The following MED12L variants were observed in gnomAD, a reference collection of about 807,000 sequenced individuals.
The protein encoded by MED12L is mediator complex subunit 12L.
In MED12L, 60 loss-of-function variants were observed where a neutral mutation model predicts 281.3. The ratio of observed to expected loss-of-function variants is 0.21; its 90% CI spans 0.17 to 0.26. MED12L has a LOEUF of 0.26. MED12L is among the 10% of genes least tolerant of loss of function. The pLI is 1.00. For missense variants in MED12L, 2,146 were observed against 2,680.9 expected, an observed-to-expected ratio of 0.80 and a Z score of 4.41; for synonymous variants, 974 against 987.2, an observed-to-expected ratio of 0.99 and a Z score of 0.25.
chr3:151,365,851 A>G lies in MED12L; in HGVS notation c.3187A>G (p.Ile1063Val), dbSNP rs1020451625. ...CTGTGTCTTCTTTTTCTTTTCTAGG[A>G]TTAACGACATAGCCAATTTCTCCTC... ...VCMGHQDAGRINDIANFSSEL... is the reference protein window; with the variant it reads ...VCMGHQDAGRVNDIANFSSEL... Residue 1063 changes from isoleucine to valine, a missense_variant and splice_region_variant, in exon 23 of 45, where the codon ATT (isoleucine) becomes GTT (valine). Around this residue, in one of 9 missense-constraint regions of MED12L, gnomAD observed 404 missense variants for 603.5 expected, o/e 0.67. Coordinates refer to ENST00000687756, the MANE Select transcript of MED12L (RefSeq NM_001393769.1). The G allele has an allele frequency of 8.1e-6, 13 of 1,608,252 alleles. No homozygotes were observed. The African/African-American group carries it at 1.7e-4, about 22-fold the overall frequency.
chr3:151,111,856 G>A (rs1160972449), intron 2 of MED12L, among the ~76,000 whole-genome samples: 1 of 152,136 alleles, frequency 6.6e-6, no homozygotes, highest in Non-Finnish European at 1.5e-5. Context: ...GAGTTAGTTG[G>A]TTGTGGCTGC....
intron 16 of MED12L, among the ~76,000 whole-genome samples, chr3:151,341,610 G>A (rs1751832557): frequency 6.6e-6 from 1 of 151,198 alleles, no homozygotes; most frequent in Admixed American, 6.6e-5. Flanking sequence ...AAGTTTTAGG[G>A]TACATGTGCA....
intron 44 of MED12L, among the ~76,000 whole-genome samples, chr3:151,432,098 C>T (rs1719600859): frequency 6.6e-6 from 1 of 152,200 alleles, no homozygotes; most frequent in Non-Finnish European, 1.5e-5. Flanking sequence ...CCAGAGGGCT[C>T]CTTTGATAGC....
At chr3:151,147,554 C>G (rs192917069) in intron 5 of MED12L, among the ~76,000 whole-genome samples, 3 of 152,194 alleles carry the variant, frequency 2.0e-5, no homozygotes, top group African/African-American at 4.8e-5. Flanking sequence ...AACCACTAAC[C>G]TACTTTCTCT....
intron 30 of MED12L, among the ~76,000 whole-genome samples, chr3:151,377,767 A>G (rs963461885): frequency 1.3e-5 from 2 of 152,238 alleles, no homozygotes; most frequent in African/African-American, 2.4e-5. Flanking sequence ...GGAAAACATT[A>G]AAGTCAGTTT....
intron 11 of MED12L, among the ~76,000 whole-genome samples, chr3:151,179,454 G>A (rs754733910): frequency 6.6e-6 from 1 of 152,162 alleles, no homozygotes; most frequent in African/African-American, 2.4e-5. Context: ...AGTACCTGAT[G>A]GAGTGAATTT....
chr3:151,424,838 C>G (rs1287762021), intron 43 of MED12L, among the ~76,000 whole-genome samples: 1 of 152,114 alleles, frequency 6.6e-6, no homozygotes, highest in African/African-American at 2.4e-5. Context: ...GGACGGACGA[C>G]CATGCTTCAT....
At chr3:151,153,568 T>TA in intron 5 of MED12L, among the ~76,000 whole-genome samples, 1 of 139,266 alleles carries the variant, frequency 7.2e-6, no homozygotes, top group Admixed American at 7.1e-5. Context: ...TTCTTTCTTT[T>TA]TTTTTTTTTT....
chr3:151,105,844 C>T (rs190949843), intron 2 of MED12L, among the ~76,000 whole-genome samples: 16 of 152,218 alleles, frequency 1.1e-4, no homozygotes, highest in Middle Eastern at 3.4e-3. Context: ...CTCAAACTTA[C>T]GACGTTTATA....
intron 39 of MED12L, among the ~76,000 whole-genome samples, chr3:151,405,370 G>A (rs748265442): frequency 2.0e-5 from 3 of 152,108 alleles, no homozygotes; most frequent in Admixed American, 6.5e-5. Flanking sequence ...TACAAGTCAG[G>A]TATCTGAGCC....
chr3:151,226,664 A>G (rs1730548574), intron 16 of MED12L, among the ~76,000 whole-genome samples: 1 of 151,686 alleles, frequency 6.6e-6, no homozygotes, highest in African/African-American at 2.4e-5. Context: ...GAGTATATAT[A>G]TTATTTTTGT....
intron 2 of MED12L, among the ~76,000 whole-genome samples, chr3:151,087,973 C>A (rs766230831): frequency 6.6e-6 from 1 of 151,958 alleles, no homozygotes; most frequent in Non-Finnish European, 1.5e-5. Context: ...TTCAGCTAAA[C>A]ACGAACTGAC....
At chr3:151,116,305 C>A in intron 2 of MED12L, 33 bp from the exon 3 acceptor site, 1 of 1,479,584 alleles carries the variant, frequency 6.8e-7, no homozygotes, top group Non-Finnish European at 9.4e-7. Flanking sequence ...GCTTTTACAT[C>A]CTTCTGCTTA....
intron 16 of MED12L, among the ~76,000 whole-genome samples, chr3:151,260,718 G>A (rs1461713288): frequency 6.6e-6 from 1 of 152,122 alleles, no homozygotes. Context: ...GTTTCCCAGT[G>A]ATCACTTTTC....
At chr3:151,334,440 A>G (rs1204290142) in intron 16 of MED12L, among the ~76,000 whole-genome samples, 2 of 151,724 alleles carry the variant, frequency 1.3e-5, no homozygotes, top group East Asian at 3.9e-4. Context: ...TTTTTTTGTA[A>G]AAGGTTTTTT....
At chr3:151,326,227 T>A (rs1010731867) in intron 16 of MED12L, 1 of 152,548 alleles carries the variant, frequency 6.6e-6, no homozygotes, top group African/African-American at 2.4e-5. Context: ...TTTCAAGAAA[T>A]TTATGTTGTC....
chr3:151,322,891 T>C (rs1749153706), intron 16 of MED12L, among the ~76,000 whole-genome samples: 1 of 152,134 alleles, frequency 6.6e-6, no homozygotes, highest in Non-Finnish European at 1.5e-5. Context: ...GATTATTCCC[T>C]AGACCTCTAA....
Position 151,227,530 on chromosome 3 carries a change from C to A in MED12L, c.2250+33864C>A, listed in dbSNP as rs115867637. Among the ~76,000 whole-genome samples the A allele has an allele frequency of 7.0e-3, 1,064 of 152,334 alleles. 8 individuals are homozygous for A. Among genetic ancestry groups the A allele is most frequent in the Non-Finnish European group, 0.012 (786 of 68,024 alleles). The stretch of plus-strand genomic sequence containing the variant: ...TTTTGGCATAGCTTGTGGCAGACTG[C>A]AAGTCTAGCATATTGGCATGTCTAA... On this transcript the variant is annotated intron_variant, in intron 16 of 44. Transcript: ENST00000687756.
intron 16 of MED12L, among the ~76,000 whole-genome samples, chr3:151,218,757 C>T (rs1424555427): frequency 6.7e-6 from 1 of 148,290 alleles, no homozygotes; most frequent in Non-Finnish European, 1.5e-5. Context: ...ATCCTAGTTA[C>T]TTGGGAGGCT....
Sources: gnomAD v4.1 joint callset for allele counts (sites outside exome capture counted in the v4.1 genomes callset) on GRCh38, gnomAD v4.1.1 for gene constraint, gnomAD v4.1.1 regional missense constraint, MANE v1.5 for transcripts, NCBI Gene and HGNC (gene_info 2026-07-23, HGNC 2026-07-21) for gene names.